DDX18: variants seen among roughly 807,000 people sequenced by gnomAD.
DDX18 encodes DEAD-box helicase 18.
DDX18 carries 23 observed loss-of-function variants against 73.5 expected under a neutral mutation model. The ratio of observed to expected loss-of-function variants is 0.31; its 90% CI spans 0.23 to 0.44. The LOEUF is 0.44. Ranked by LOEUF, DDX18 falls within the 20% of genes least tolerant of loss-of-function variation. The pLI is 1.00. For synonymous variants in DDX18, 268 were observed against 282.7 expected, an observed-to-expected ratio of 0.95 and a Z score of 0.52; for missense variants, 753 against 792.9, an observed-to-expected ratio of 0.95 and a Z score of 0.60.
chr2:117,817,758 C>T lies in DDX18; in HGVS notation c.370+30C>T, dbSNP rs758468749. ...GTATTTATTATCTTTGAACTTCAGC[C>T]ATTTAGTTTTTCACAGACGGTTATT... On this transcript the variant is annotated intron_variant, in intron 2 of 13. Coordinates refer to ENST00000263239, the MANE Select transcript of DDX18 (RefSeq NM_006773.4). 1.0e-5 allele frequency: 16 copies of T among 1,565,598 alleles called. No homozygotes were observed. The Admixed American group carries it at 1.6e-4, about 16-fold the overall frequency.
chr2:117,814,935 C>A (rs942466243), intron 1 of DDX18, 73 bp downstream of exon 1: 1 of 1,491,508 alleles, frequency 6.7e-7, no homozygotes, highest in Non-Finnish European at 9.3e-7. Flanking sequence ...GGCCGGGGGC[C>A]CAGCTGCTCT....
intron 3 of DDX18, among the ~76,000 whole-genome samples, chr2:117,820,710 A>C (rs2104621381): frequency 6.6e-6 from 1 of 152,274 alleles, no homozygotes; most frequent in Middle Eastern, 3.4e-3. Context: ...GCTCAGCCTA[A>C]CATTCTGTGG....
intron 1 of DDX18, among the ~76,000 whole-genome samples, chr2:117,816,091 C>T (rs1415419175): frequency 6.6e-6 from 1 of 152,098 alleles, no homozygotes; most frequent in Non-Finnish European, 1.5e-5. Flanking sequence ...GAAAATGGTA[C>T]CTCTGTATAC....
At position 117,819,655 on chromosome 2, in the gene DDX18, A is replaced by G. The variant is rs751643014; in HGVS notation, c.377A>G (p.Lys126Arg). ...KMVNDAEPDT[K>R]KAKTENKGKS... ...TTGTCTTTTAAAACCAAAGATACGA[A>G]AAAAGCAAAAACTGAAAACAAAGGG... Residue 126 changes from lysine to arginine, a missense_variant, in exon 3 of 14, where the codon AAA becomes AGA. Physicochemically the swap from Lys to Arg is conservative, Grantham distance 26. Around this residue, in one of 3 missense-constraint regions of DDX18, gnomAD observed 345 missense variants for 352.0 expected, o/e 0.98. Transcript: ENST00000263239. 7.0e-6 allele frequency: 11 copies of G among 1,577,690 alleles called. No individual in the cohort carries two copies. The highest frequency in any genetic ancestry group is 2.3e-4 in the Middle Eastern group (1 of 4,378).
At chr2:117,823,162 C>A (rs1457339924) in intron 7 of DDX18, among the ~76,000 whole-genome samples, 1 of 152,076 alleles carries the variant, frequency 6.6e-6, no homozygotes, top group African/African-American at 2.4e-5. Context: ...GTATTCTTGT[C>A]CTTTGCTTTT....
intron 3 of DDX18, among the ~76,000 whole-genome samples, chr2:117,820,707 C>A (rs1305683451): frequency 6.6e-6 from 1 of 152,160 alleles, no homozygotes; most frequent in African/African-American, 2.4e-5. Context: ...TAGGCTCAGC[C>A]TAACATTCTG....
chr2:117,819,489 A>G (rs1679809988), intron 2 of DDX18, among the ~76,000 whole-genome samples, 160 bp from the exon 3 acceptor site: 1 of 152,190 alleles, frequency 6.6e-6, no homozygotes, highest in East Asian at 1.9e-4. Flanking sequence ...AAATACAACC[A>G]CTCATTTTTC....
intron 13 of DDX18, among the ~76,000 whole-genome samples, chr2:117,830,199 G>A (rs1030634530): frequency 4.6e-5 from 7 of 152,148 alleles, no homozygotes; most frequent in Admixed American, 2.0e-4. Flanking sequence ...CCTTCACTTA[G>A]GCATTCCTAA....
chr2:117,821,952 C>T lies in DDX18; in HGVS notation c.842C>T (p.Thr281Ile), dbSNP rs1242796572. The T allele has an allele frequency of 6.2e-7, 1 of 1,613,926 alleles. No homozygotes were observed. The highest frequency in any genetic ancestry group is 8.5e-7 in the Non-Finnish European group (1 of 1,179,970). Residue 281 changes from threonine (T) to isoleucine (I), a missense_variant, in exon 6 of 14, where the codon ACC becomes ATC. Transcript: ENST00000263239. The stretch of plus-strand genomic sequence containing the variant: ...GAGCTGATGACTCACCACGTGCATA[C>T]CTATGGCTTGATAATGGGTGGCAGT... ...LKELMTHHVH[T>I]YGLIMGGSNR... is the part of the protein sequence containing the mutation.
intron 3 of DDX18, among the ~76,000 whole-genome samples, chr2:117,820,820 C>A (rs1380988112): frequency 2.0e-5 from 3 of 152,032 alleles, no homozygotes; most frequent in Non-Finnish European, 4.4e-5. Flanking sequence ...AATGTTTTCA[C>A]TTTTATATCA....
chr2:117,817,245 C>T (rs553601723), intron 1 of DDX18, among the ~76,000 whole-genome samples, 199 bp from the exon 2 acceptor site: 3 of 152,096 alleles, frequency 2.0e-5, no homozygotes, highest in Non-Finnish European at 4.4e-5. Flanking sequence ...TTTCCCTTTT[C>T]CAGTATTTTT....
At chr2:117,816,332 A>G (rs1428702473) in intron 1 of DDX18, among the ~76,000 whole-genome samples, 2 of 152,228 alleles carry the variant, frequency 1.3e-5, no homozygotes, top group African/African-American at 2.4e-5. Flanking sequence ...GACTTTAATA[A>G]CACTTAGCTT....
At chr2:117,815,274 G>A (rs1470479451) in intron 1 of DDX18, among the ~76,000 whole-genome samples, 3 of 151,872 alleles carry the variant, frequency 2.0e-5, no homozygotes, top group Non-Finnish European at 4.4e-5. Context: ...TTTAATTCCC[G>A]TATTTCTTTC....
rs763097171 is a variant in DDX18, at chr2:117,828,935, C to T, written c.1636-14C>T. Reference sequence around the variant, plus strand: ...TCATCCTGGTTTACTAATCTTAATACTTTTGATTTCTAGGTTCCATTAAGT... The same window carrying T: ...TCATCCTGGTTTACTAATCTTAATATTTTTGATTTCTAGGTTCCATTAAGT... On this transcript the variant is annotated splice_polypyrimidine_tract_variant and intron_variant, in intron 11 of 13. Coordinates refer to ENST00000263239, the MANE Select transcript of DDX18 (RefSeq NM_006773.4). 1.3e-6 allele frequency: 2 copies of T among 1,576,846 alleles called. No individual in the cohort carries two copies. The highest frequency in any genetic ancestry group is 2.2e-5 in the East Asian group (1 of 44,684).
rs1052639 is a variant in DDX18, at chr2:117,825,524, G to A, written c.1446G>A (p.Thr482=). 125,306 of 1,613,960 alleles carry A rather than the reference G, an allele frequency of 0.078. 5,293 individuals are homozygous for A. Among genetic ancestry groups the A allele is most frequent in the Non-Finnish European group, 0.086 (101,973 of 1,179,908 alleles). ...CNADSGTLLC[T]DVAARGLDIP... is the part of the protein sequence containing the mutation. ...CAGATTCGGGAACACTATTGTGTAC[G>A]GATGTGGCAGCGAGAGGACTAGACA... Residue 482 remains threonine, a synonymous_variant, in exon 10 of 14, where the codon ACG becomes ACA. Coordinates refer to ENST00000263239, the MANE Select transcript of DDX18 (RefSeq NM_006773.4).
At chr2:117,825,884 G>C (rs1679917808) in intron 10 of DDX18, 1 of 418,158 alleles carries the variant, frequency 2.4e-6, no homozygotes, top group Admixed American at 3.9e-5. Context: ...AATTGCTTAA[G>C]GAAGTAGATA....
chr2:117,823,452 T>C (rs1455778488), intron 7 of DDX18, among the ~76,000 whole-genome samples: 4 of 152,242 alleles, frequency 2.6e-5, no homozygotes, highest in African/African-American at 4.8e-5. Context: ...TATACATATA[T>C]ACACACACAC....
chr2:117,825,625 C>A, intron 10 of DDX18, 26 bp downstream of exon 10: 1 of 1,606,166 alleles, frequency 6.2e-7, no homozygotes, highest in Non-Finnish European at 8.5e-7. Context: ...GGAATATCTT[C>A]AGAATGACTC....
At chr2:117,829,578 C>A in intron 13 of DDX18, 112 bp downstream of exon 13, 1 of 1,005,740 alleles carries the variant, frequency 9.9e-7, no homozygotes, top group Admixed American at 2.4e-5. Context: ...ACTGGAGGCT[C>A]CAGTGTTCAC....
Sources: allele counts gnomAD v4.1 joint callset (sites outside exome capture counted in the v4.1 genomes callset), GRCh38; gene constraint gnomAD v4.1.1; regional missense constraint gnomAD v4.1.1; transcripts MANE v1.5; gene names NCBI Gene and HGNC (gene_info 2026-07-23, HGNC 2026-07-21).